The following NEBL variants were observed in gnomAD, a reference collection of about 807,000 sequenced individuals.
The protein encoded by NEBL is nebulette.
NEBL carries 122 observed loss-of-function variants against 140.2 expected under a neutral mutation model. The ratio of observed to expected loss-of-function variants is 0.87; its 90% CI spans 0.75 to 1.01. The LOEUF is 1.01. Ranked by LOEUF, NEBL falls within the 50% of genes least tolerant of loss-of-function variation. NEBL has a pLI of 0.00. For missense variants in NEBL, 1,365 were observed against 1,231.3 expected, an observed-to-expected ratio of 1.11 and a Z score of -1.62; for synonymous variants, 436 against 398.9, an observed-to-expected ratio of 1.09 and a Z score of -1.11.
intron 26 of NEBL, among the ~76,000 whole-genome samples, chr10:20,796,392 A>C (rs547510864): frequency 3.4e-5 from 5 of 149,138 alleles, no homozygotes; most frequent in East Asian, 3.9e-4. Context: ...AAAAAAAAAA[A>C]AACTTCTCTA....
At chr10:21,135,824 G>T (rs1381452613) in intron 2 of NEBL, among the ~76,000 whole-genome samples, 1 of 152,112 alleles carries the variant, frequency 6.6e-6, no homozygotes, top group African/African-American at 2.4e-5. Flanking sequence ...ACTTTTCTTG[G>T]CTCTCCGTGC....
chr10:20,848,977 G>GT (rs1183464687), intron 11 of NEBL, among the ~76,000 whole-genome samples: 2 of 152,142 alleles, frequency 1.3e-5, no homozygotes, highest in East Asian at 1.9e-4. Context: ...ATTCCTGAGA[G>GT]TTTTTTTGTC....
intron 1 of NEBL, among the ~76,000 whole-genome samples, chr10:21,261,387 A>ATG (rs1564551574): frequency 6.6e-6 from 1 of 152,162 alleles, no homozygotes. Context: ...CAGGCTGGGC[A>ATG]CAGCGGCTCA....
At chr10:21,207,036 C>G (rs1226962594) in intron 3 of NEBL, among the ~76,000 whole-genome samples, 1 of 137,762 alleles carries the variant, frequency 7.3e-6, no homozygotes, top group African/African-American at 2.8e-5. Context: ...TGCAGTGGTG[C>G]AGGCTCGGCT....
At chr10:20,895,362 A>G (rs1299162992) in intron 2 of NEBL, among the ~76,000 whole-genome samples, 1 of 152,198 alleles carries the variant, frequency 6.6e-6, no homozygotes, top group Non-Finnish European at 1.5e-5. Context: ...TTTCATGGAA[A>G]TCTACAGGGA....
chr10:21,058,377 T>C (rs944507451), intron 2 of NEBL, among the ~76,000 whole-genome samples: 5 of 152,152 alleles, frequency 3.3e-5, no homozygotes, highest in African/African-American at 4.8e-5. Context: ...CAACTTTCAC[T>C]GCAAGTTTTA....
intron 2 of NEBL, among the ~76,000 whole-genome samples, chr10:21,148,979 G>T (rs313794): frequency 0.21 from 32,113 of 152,016 alleles, 3,562 homozygotes; most frequent in East Asian, 0.35. Context: ...AAGGGGTCCT[G>T]CCCCATACCC....
Position 21,160,781 on chromosome 10 carries a change from C to T in NEBL, c.164+11602G>A, listed in dbSNP as rs566671131. Among the ~76,000 whole-genome samples, 6 of 151,900 alleles carry T rather than the reference C, an allele frequency of 3.9e-5. No homozygotes were observed. The South Asian group carries it at 1.2e-3, about 32-fold the overall frequency. On this transcript the variant is annotated intron_variant, in intron 2 of 6. Coordinates refer to the NEBL transcript ENST00000417816. Reference sequence around the variant, plus strand: ...ATTCTTCCACAAGAGCCTGTTAAGACCTTTTATTCATCAGGAATTGACCAT... The same window carrying T: ...ATTCTTCCACAAGAGCCTGTTAAGATCTTTTATTCATCAGGAATTGACCAT...
chr10:20,919,046 T>A (rs1174671139), intron 4 of NEBL, among the ~76,000 whole-genome samples: 2 of 152,118 alleles, frequency 1.3e-5, no homozygotes, highest in Non-Finnish European at 2.9e-5. Context: ...TTACTATTAC[T>A]CATTTCAGAA....
intron 23 of NEBL, 59 bp downstream of exon 23, chr10:20,813,880 C>G (rs773656190): frequency 1.9e-6 from 2 of 1,064,702 alleles, no homozygotes; most frequent in East Asian, 4.7e-5. Context: ...TAATGCCATC[C>G]GTGCACTGGA....
At position 20,808,639 on chromosome 10, in the gene NEBL, G is replaced by A. The variant is rs760333815; in HGVS notation, c.2632C>T (p.Arg878Ter). 11 of 1,613,134 alleles carry A rather than the reference G, an allele frequency of 6.8e-6. No homozygotes were observed. Among genetic ancestry groups the A allele is most frequent in the East Asian group, 4.5e-5 (2 of 44,852 alleles). Residue 878 changes from arginine (R) to a stop codon, truncating the protein, a stop_gained, in exon 26 of 28, where the codon CGA becomes TGA. Coordinates refer to ENST00000377122, the MANE Select transcript of NEBL (RefSeq NM_006393.3). LOFTEE classifies it high-confidence loss of function. ...MLSEKASHYRRHWSRSHSSST... is the reference protein window; with the variant it reads ...MLSEKASHYR Reference sequence around the variant, plus strand: ...CTGGAATGGGATCGAGACCAGTGTCGCCTATAGTGACTCGCCTTTTCTATA... The same window carrying A: ...CTGGAATGGGATCGAGACCAGTGTCACCTATAGTGACTCGCCTTTTCTATA...
At chr10:20,928,618 T>C (rs986487539) in intron 4 of NEBL, among the ~76,000 whole-genome samples, 3 of 152,182 alleles carry the variant, frequency 2.0e-5, no homozygotes, top group African/African-American at 7.2e-5. Context: ...GTAGACATAT[T>C]TTCTGCTTTC....
chr10:21,065,139 G>A (rs139119803), intron 2 of NEBL, among the ~76,000 whole-genome samples: 3 of 152,126 alleles, frequency 2.0e-5, no homozygotes, highest in Admixed American at 2.0e-4. Flanking sequence ...ACATGGAAAT[G>A]GGTGTAAGGA....
chr10:21,116,457 T>C (rs1413489699), intron 2 of NEBL, among the ~76,000 whole-genome samples: 1 of 152,124 alleles, frequency 6.6e-6, no homozygotes, highest in African/African-American at 2.4e-5. Context: ...AATTACCAAA[T>C]TACCAAAGTG....
At chr10:21,071,004 C>T (rs1835791702) in intron 2 of NEBL, among the ~76,000 whole-genome samples, 1 of 151,356 alleles carries the variant, frequency 6.6e-6, no homozygotes, top group Non-Finnish European at 1.5e-5. Flanking sequence ...TAGCAACACT[C>T]TGCCTCTACA....
At chr10:21,058,345 G>T (rs1835124673) in intron 2 of NEBL, among the ~76,000 whole-genome samples, 1 of 152,014 alleles carries the variant, frequency 6.6e-6, no homozygotes, top group Admixed American at 6.6e-5. Flanking sequence ...GCTAAACTTG[G>T]CATTAAACTG....
chr10:21,184,807 G>A (rs954984944), intron 3 of NEBL, among the ~76,000 whole-genome samples: 11 of 152,306 alleles, frequency 7.2e-5, no homozygotes, highest in South Asian at 4.1e-4. Context: ...ACATTTGTTC[G>A]TGATGATATC....
At chr10:21,006,026 G>T (rs1285354428) in intron 3 of NEBL, among the ~76,000 whole-genome samples, 1 of 152,022 alleles carries the variant, frequency 6.6e-6, no homozygotes, top group East Asian at 1.9e-4. Context: ...CAGAGGGTTT[G>T]GTCATCTCTA....
At chr10:20,834,770 C>G (rs1286812127) in intron 14 of NEBL, among the ~76,000 whole-genome samples, 1 of 152,184 alleles carries the variant, frequency 6.6e-6, no homozygotes, top group East Asian at 1.9e-4. Flanking sequence ...CTTCTTTACT[C>G]CAGTGATCCT....
Sources: gnomAD v4.1 joint callset for allele counts (sites outside exome capture counted in the v4.1 genomes callset) on GRCh38, gnomAD v4.1.1 for gene constraint, MANE v1.5 for transcripts, NCBI Gene and HGNC (gene_info 2026-07-23, HGNC 2026-07-21) for gene names.